FRY: variants seen among roughly 807,000 people sequenced by gnomAD.
The protein encoded by FRY is FRY microtubule binding protein.
Under a neutral mutation model 348.4 loss-of-function variants are expected in FRY, and 128 were observed. The ratio of observed to expected loss-of-function variants is 0.37; its 90% CI spans 0.32 to 0.43. The LOEUF is 0.43. FRY is among the 20% of genes least tolerant of loss of function. The pLI is 1.00. For synonymous variants in FRY, 1,370 were observed against 1,374.7 expected (o/e 1.00, Z 0.08); for missense variants, 2,736 against 3,695.2 (o/e 0.74, Z 6.73).
rs143583661 is a variant in FRY at position 32,254,425 on chromosome 13, C to A, written c.7416+31C>A. Reference sequence around the variant, plus strand: ...GTGTATTCTCTGTAAAAATAATCCCCGCACCCTTTTCCTTGACTAATGAAA... The same window carrying A: ...GTGTATTCTCTGTAAAAATAATCCCAGCACCCTTTTCCTTGACTAATGAAA... On this transcript the variant is annotated intron_variant, in intron 51 of 60. Coordinates refer to ENST00000542859, the MANE Select transcript of FRY (RefSeq NM_023037.3). 1,490 of 1,583,584 alleles carry A rather than the reference C, an allele frequency of 9.4e-4. 14 individuals carry two copies. In the African/African-American group the frequency reaches 0.016, roughly 17 times the overall value.
intron 55 of FRY, among the ~76,000 whole-genome samples, chr13:32,274,547 A>G (rs562383674): frequency 6.6e-6 from 1 of 151,876 alleles, no homozygotes; most frequent in South Asian, 2.1e-4. Flanking sequence ...TACTAAAAAT[A>G]CAAAAAATTA....
chr13:32,115,616 C>T (rs1254155706), intron 3 of FRY, among the ~76,000 whole-genome samples: 2 of 152,160 alleles, frequency 1.3e-5, no homozygotes, highest in Non-Finnish European at 2.9e-5. Context: ...TCAAAACCTT[C>T]GTCACATCAA....
intron 17 of FRY, among the ~76,000 whole-genome samples, chr13:32,167,568 C>T (rs1231017415): frequency 6.6e-6 from 1 of 152,174 alleles, no homozygotes; most frequent in Non-Finnish European, 1.5e-5. Flanking sequence ...CTGCAATGAC[C>T]TCATTTCCAA....
intron 3 of FRY, among the ~76,000 whole-genome samples, chr13:32,102,684 C>T (rs978955639): frequency 2.0e-4 from 31 of 152,084 alleles, no homozygotes; most frequent in African/African-American, 7.5e-4. Context: ...AGGTAATAAA[C>T]ATATGAAATC....
At position 32,210,812 on chromosome 13, in the gene FRY, T is replaced by C. The variant is rs939864707; in HGVS notation, c.4423-54T>C. The C allele has an allele frequency of 4.2e-6, 6 of 1,444,930 alleles. No homozygotes were observed. The African/African-American group carries it at 8.4e-5, about 20-fold the overall frequency. 89.5% of individuals were successfully genotyped at this position (1,444,930 alleles called of 1,614,324 possible). Reference sequence around the variant, plus strand: ...AAATGAGAGGTTTACTGGCCTAGTGTTCCTGTGGACTAGGCTCTGTGAAAC... The same window carrying C: ...AAATGAGAGGTTTACTGGCCTAGTGCTCCTGTGGACTAGGCTCTGTGAAAC... On this transcript the variant is annotated intron_variant, in intron 33 of 60. Coordinates refer to ENST00000542859, the MANE Select transcript of FRY (RefSeq NM_023037.3).
Position 32,086,501 on chromosome 13 carries a change from C to T in FRY, c.270+7468C>T, listed in dbSNP as rs559362381. Among the ~76,000 whole-genome samples the T allele has an allele frequency of 2.0e-5, 3 of 152,282 alleles. No homozygotes were observed. In the South Asian group the frequency reaches 6.2e-4, roughly 32 times the overall value. On this transcript the variant is annotated intron_variant, in intron 2 of 60. Coordinates refer to ENST00000542859, the MANE Select transcript of FRY (RefSeq NM_023037.3). Reference sequence around the variant, plus strand: ...GTTTAAATCCCTGGGTTTAAACTCACTTATTAGTGAGTCTGTCCAGGTTTA... The same window carrying T: ...GTTTAAATCCCTGGGTTTAAACTCATTTATTAGTGAGTCTGTCCAGGTTTA...
rs770519082 is a variant in FRY at position 32,294,458 on chromosome 13, G to A, written c.8671G>A (p.Gly2891Ser). 1.2e-5 allele frequency: 20 copies of A among 1,613,900 alleles called. No homozygotes were observed. The highest frequency in any genetic ancestry group is 6.6e-5 in the South Asian group (6 of 91,092). ...VIAADPLYSD[G>S]AWSEPTFTST... ...TGCAGCTGACCCTCTCTATTCAGAC[G>A]GCGCGTGGTCCGAGCCCACCTTCAC... The change falls in exon 60 of 61, where the codon GGC becomes AGC. Residue 2891 changes from glycine (G) to serine (S), a missense_variant. Gly to Ser is a moderately conservative substitution (Grantham distance 56). Coordinates refer to ENST00000542859, the MANE Select transcript of FRY (RefSeq NM_023037.3).
chr13:32,195,658 A>T (rs1489855909), intron 29 of FRY, among the ~76,000 whole-genome samples: 3 of 152,172 alleles, frequency 2.0e-5, no homozygotes, highest in African/African-American at 7.2e-5. Flanking sequence ...TTCCTTAGGG[A>T]GCACAAATAA....
At chr13:32,247,015 T>C (rs1373892583) in intron 47 of FRY, among the ~76,000 whole-genome samples, 1 of 152,064 alleles carries the variant, frequency 6.6e-6, no homozygotes, top group Non-Finnish European at 1.5e-5. Flanking sequence ...ATAAAATGCA[T>C]TGGGAGCTTT....
intron 2 of FRY, among the ~76,000 whole-genome samples, chr13:32,080,638 A>G (rs1185177091): frequency 2.0e-5 from 3 of 152,212 alleles, no homozygotes; most frequent in African/African-American, 4.8e-5. Flanking sequence ...TCAAGTATCC[A>G]AAGTCCCATT....
Position 32,184,607 on chromosome 13 carries a change from A to G in FRY, c.3062A>G (p.Lys1021Arg). ...CTACCTCTTTCTACACAGAACAAGA[A>G]ACGCCGAGAACGGCGAGACTTGTTA... ...EALERRPENK[K>R]RRERRDLLRL... The change falls in exon 25 of 61, where the codon AAA (lysine) becomes AGA (arginine). Residue 1021 changes from lysine to arginine, a missense_variant. This residue lies in a region of FRY where 449 missense variants were observed against 576.9 expected (regional missense o/e 0.78). Transcript: ENST00000542859. The G allele has an allele frequency of 6.2e-7, 1 of 1,609,936 alleles. No homozygotes were observed.
chr13:32,188,884 A>G (rs1883176142), intron 28 of FRY, among the ~76,000 whole-genome samples: 1 of 152,112 alleles, frequency 6.6e-6, no homozygotes, highest in African/African-American at 2.4e-5. Context: ...CACATGGAAC[A>G]TTTGCTAAAG....
At chr13:32,054,709 TA>T (rs1354115847) in intron 1 of FRY, among the ~76,000 whole-genome samples, 2 of 152,016 alleles carry the variant, frequency 1.3e-5, no homozygotes, top group African/African-American at 4.8e-5. Context: ...CCGTCTCTAC[TA>T]AAAATACAAA....
At chr13:32,154,025 G>C (rs1726088117) in intron 14 of FRY, among the ~76,000 whole-genome samples, 1 of 152,172 alleles carries the variant, frequency 6.6e-6, no homozygotes, top group African/African-American at 2.4e-5. Flanking sequence ...GGAAAACTTA[G>C]AGAACTGACA....
intron 1 of FRY, among the ~76,000 whole-genome samples, chr13:32,045,598 C>T (rs2042769377): frequency 6.6e-6 from 1 of 152,168 alleles, no homozygotes; most frequent in African/African-American, 2.4e-5. Context: ...GAGTGATCAT[C>T]TAAATTAATT....
intron 18 of FRY, 86 bp from the exon 19 acceptor site, chr13:32,173,274 GGTCAAAT>G (rs1341417331): frequency 3.3e-6 from 3 of 898,632 alleles, no homozygotes; most frequent in Non-Finnish European, 5.6e-6. Flanking sequence ...ATATTTACAA[GGTCAAAT>G]GTGCAAAAAA....
rs186836837 is a variant in FRY, at chr13:32,241,153, G to A, written c.6687+1272G>A. On this transcript the variant is annotated intron_variant, in intron 46 of 60. Coordinates refer to ENST00000542859, the MANE Select transcript of FRY (RefSeq NM_023037.3). Reference sequence around the variant, plus strand: ...GCAAGCACACACACACCTCAGCACAGAAGTAGTACTGAGAGAACTGATTTG... The same window carrying A: ...GCAAGCACACACACACCTCAGCACAAAAGTAGTACTGAGAGAACTGATTTG... Among the ~76,000 whole-genome samples, 218 of 152,340 alleles carry A rather than the reference G, an allele frequency of 1.4e-3. 2 individuals are homozygous for A. Among genetic ancestry groups the A allele is most frequent in the African/African-American group, 5.0e-3 (206 of 41,576 alleles).
intron 1 of FRY, chr13:32,061,095 T>C (rs755277796): frequency 3.8e-6 from 2 of 533,216 alleles, no homozygotes; most frequent in East Asian, 5.4e-5. Flanking sequence ...GGGTTTCTTT[T>C]CAGGCTCATG....
chr13:32,271,433 C>T (rs1888195908), intron 55 of FRY, among the ~76,000 whole-genome samples: 3 of 152,196 alleles, frequency 2.0e-5, no homozygotes, highest in Admixed American at 2.0e-4. Context: ...CACAGGCTGG[C>T]TGCTCCCATT....
Sources: gnomAD v4.1 joint callset for allele counts (sites outside exome capture counted in the v4.1 genomes callset) on GRCh38, gnomAD v4.1.1 for gene constraint, gnomAD v4.1.1 regional missense constraint, MANE v1.5 for transcripts, NCBI Gene and HGNC (gene_info 2026-07-23, HGNC 2026-07-21) for gene names.